The following ARHGAP28 variants were observed in gnomAD, a reference collection of about 807,000 sequenced individuals.
ARHGAP28 encodes the protein rho GTPase-activating protein 28.
ARHGAP28 carries 56 observed loss-of-function variants against 90.7 expected under a neutral mutation model. The ratio of observed to expected loss-of-function variants is 0.62; its 90% CI spans 0.50 to 0.77. The LOEUF (loss-of-function observed/expected upper bound fraction) is 0.77, where lower values mean the gene tolerates loss of function less well. Among genes scored for constraint, ARHGAP28 ranks in the 30% least tolerant of loss-of-function variants. ARHGAP28 has a pLI of 0.00. For missense variants in ARHGAP28, 869 were observed against 900.9 expected (o/e 0.96, Z 0.45); for synonymous variants, 308 against 323.3 (o/e 0.95, Z 0.51).
intron 2 of ARHGAP28, among the ~76,000 whole-genome samples, chr18:6,832,413 G>C (rs1190576983): frequency 6.6e-6 from 1 of 152,018 alleles, no homozygotes; most frequent in Non-Finnish European, 1.5e-5. Flanking sequence ...ATGCTCATTA[G>C]ATTAAGGTGG....
chr18:6,762,574 A>G (rs2056170442), intron 1 of ARHGAP28, among the ~76,000 whole-genome samples: 1 of 152,016 alleles, frequency 6.6e-6, no homozygotes, highest in Non-Finnish European at 1.5e-5. Context: ...CCCAGAATTT[A>G]TATGTTGAAG....
intron 1 of ARHGAP28, among the ~76,000 whole-genome samples, chr18:6,760,352 A>G (rs910174365): frequency 1.3e-5 from 2 of 152,212 alleles, no homozygotes; most frequent in African/African-American, 4.8e-5. Flanking sequence ...AAACCAGACT[A>G]CAATCCCCAT....
At chr18:6,841,158 T>TTCTCTCTCTC (rs1567966356) in intron 3 of ARHGAP28, among the ~76,000 whole-genome samples, 1 of 89,440 alleles carries the variant, frequency 1.1e-5, no homozygotes, top group Non-Finnish European at 2.5e-5. Flanking sequence ...CTCTCCTCTT[T>TTCTCTCTCTC]CTCTCTCTCC....
At chr18:6,815,716 A>C (rs1267823996) in intron 1 of ARHGAP28, among the ~76,000 whole-genome samples, 2 of 152,170 alleles carry the variant, frequency 1.3e-5, no homozygotes, top group African/African-American at 4.8e-5. Context: ...ATGTACAGGC[A>C]TACCTCAATA....
chr18:6,891,570 C>T (rs1297686116), intron 14 of ARHGAP28, among the ~76,000 whole-genome samples: 2 of 152,052 alleles, frequency 1.3e-5, no homozygotes, highest in African/African-American at 4.8e-5. Context: ...AGGCATGAGC[C>T]ACTGTGTCCT....
chr18:6,751,579 A>G (rs1481396884), intron 1 of ARHGAP28, among the ~76,000 whole-genome samples: 2 of 152,206 alleles, frequency 1.3e-5, no homozygotes, highest in African/African-American at 4.8e-5. Flanking sequence ...GGAAATTGAT[A>G]TTATTGGAGC....
chr18:6,792,294 T>G (rs2143563734), intron 1 of ARHGAP28, among the ~76,000 whole-genome samples: 1 of 152,354 alleles, frequency 6.6e-6, no homozygotes, highest in African/African-American at 2.4e-5. Flanking sequence ...TTAATACATG[T>G]GCAGTTTATT....
rs149572290 is a variant in ARHGAP28, at chr18:6,772,089, G to T, written c.122+42146G>T. On this transcript the variant is annotated intron_variant, in intron 1 of 17. Coordinates refer to ENST00000383472, the MANE Select transcript of ARHGAP28 (RefSeq NM_001366230.1). The stretch of plus-strand genomic sequence containing the variant: ...ATTAATGAATCCCACTGCCACCAAG[G>T]TAGGACTTAAAGGACAATGGGGAGT... Among the ~76,000 whole-genome samples the T allele has an allele frequency of 2.2e-3, 330 of 152,184 alleles. 1 individual carries two copies. The highest frequency in any genetic ancestry group is 7.8e-3 in the African/African-American group (322 of 41,526).
chr18:6,778,668 C>T (rs2056302577), intron 1 of ARHGAP28, among the ~76,000 whole-genome samples: 1 of 152,180 alleles, frequency 6.6e-6, no homozygotes, highest in Non-Finnish European at 1.5e-5. Flanking sequence ...GGATTTTCAA[C>T]AGGTGTTTTA....
chr18:6,795,195 C>T (rs1313415739), intron 1 of ARHGAP28, among the ~76,000 whole-genome samples: 1 of 152,090 alleles, frequency 6.6e-6, no homozygotes, highest in Admixed American at 6.5e-5. Context: ...GATCTTTACA[C>T]AAAGATTCAG....
chr18:6,903,016 A>G (rs911704764), intron 16 of ARHGAP28, among the ~76,000 whole-genome samples: 7 of 152,346 alleles, frequency 4.6e-5, no homozygotes, highest in Middle Eastern at 3.4e-3. Context: ...ATGCTACAAC[A>G]TGGATGACTC....
chr18:6,837,335 C>G lies in ARHGAP28; in HGVS notation c.464C>G (p.Thr155Ser). The G allele has an allele frequency of 6.2e-7, 1 of 1,613,834 alleles. No individual in the cohort carries two copies. The highest frequency in any genetic ancestry group is 1.3e-5 in the African/African-American group (1 of 74,940). ...QAAAVQKRYHTYTQTMRKKDK... is the reference protein window; with the variant it reads ...QAAAVQKRYHSYTQTMRKKDK... ...GCTGCCGTGCAAAAGAGATACCATA[C>G]CTATACCCAAACCATGAGGAAAAAG... Residue 155 changes from threonine (T) to serine (S), a missense_variant, in exon 3 of 18, where the codon ACC (threonine) becomes AGC (serine). Physicochemically the swap from Thr to Ser is moderately conservative, Grantham distance 58 (BLOSUM62 1). Coordinates refer to ENST00000383472, the MANE Select transcript of ARHGAP28 (RefSeq NM_001366230.1).
intron 1 of ARHGAP28, among the ~76,000 whole-genome samples, chr18:6,732,846 T>C (rs1388363200): frequency 6.6e-6 from 1 of 152,160 alleles, no homozygotes; most frequent in Non-Finnish European, 1.5e-5. Flanking sequence ...GCACCAGATA[T>C]ATTAGCTGTA....
At chr18:6,841,190 T>TCTCTCTCTCTC (rs1567966693) in intron 3 of ARHGAP28, among the ~76,000 whole-genome samples, 20 of 66,538 alleles carry the variant, frequency 3.0e-4, no homozygotes, top group Non-Finnish European at 3.6e-4. Flanking sequence ...CCTCTCTCTC[T>TCTCTCTCTCTC]CTCTCTCTCT....
At chr18:6,837,054 C>A (rs1211322251) in intron 2 of ARHGAP28, 143 bp from the exon 3 acceptor site, 3 of 653,822 alleles carry the variant, frequency 4.6e-6, no homozygotes, top group Non-Finnish European at 7.7e-6. Context: ...TGCAGACTTT[C>A]ATTCATTCTT....
intron 1 of ARHGAP28, among the ~76,000 whole-genome samples, chr18:6,755,838 C>T (rs2056104725): frequency 6.6e-6 from 1 of 152,098 alleles, no homozygotes; most frequent in Non-Finnish European, 1.5e-5. Flanking sequence ...TCAATAAACA[C>T]CAAAATATCA....
intron 11 of ARHGAP28, among the ~76,000 whole-genome samples, chr18:6,882,717 CCTTT>C (rs111726175): frequency 1.6e-4 from 25 of 152,170 alleles, no homozygotes; most frequent in African/African-American, 5.5e-4. Flanking sequence ...GACATCACTG[CCTTT>C]CTTAAATCTG....
intron 1 of ARHGAP28, among the ~76,000 whole-genome samples, chr18:6,781,933 A>AATTCTCC (rs2056327510): frequency 6.6e-6 from 1 of 152,092 alleles, no homozygotes; most frequent in Non-Finnish European, 1.5e-5. Context: ...CCCTGGGGCA[A>AATTCTCC]GTGGTAAACT....
chr18:6,903,021 T>A (rs760398539), intron 16 of ARHGAP28, among the ~76,000 whole-genome samples: 1 of 152,174 alleles, frequency 6.6e-6, no homozygotes, highest in African/African-American at 2.4e-5. Flanking sequence ...ACAACATGGA[T>A]GACTCAAGAA....
Sources: allele counts gnomAD v4.1 joint callset (sites outside exome capture counted in the v4.1 genomes callset), GRCh38; gene constraint gnomAD v4.1.1; transcripts MANE v1.5; gene names NCBI Gene and HGNC (gene_info 2026-07-23, HGNC 2026-07-21).